The following BAIAP2L1 variants were observed in gnomAD, a reference collection of about 807,000 sequenced individuals.
BAIAP2L1 encodes BAR/IMD domain containing adaptor protein 2 like 1, also known as BAR/IMD domain-containing adapter protein 2-like 1.
In BAIAP2L1, 35 loss-of-function variants were observed where a neutral mutation model predicts 66.3. That is an observed-to-expected ratio of 0.53 (90% CI 0.40 to 0.70). BAIAP2L1 has a LOEUF of 0.70. Among genes scored for constraint, BAIAP2L1 ranks in the 30% least tolerant of loss-of-function variants. BAIAP2L1 has a pLI of 0.00. For synonymous variants in BAIAP2L1, 269 were observed against 248.7 expected (o/e 1.08, Z -0.77); for missense variants, 622 against 656.9 (o/e 0.95, Z 0.58).
intron 1 of BAIAP2L1, among the ~76,000 whole-genome samples, chr7:98,391,577 T>C (rs1803044636): frequency 6.6e-6 from 1 of 151,806 alleles, no homozygotes; most frequent in Non-Finnish European, 1.5e-5. Context: ...CCGGGCATGG[T>C]GGCGGGCACC....
intron 10 of BAIAP2L1, chr7:98,307,442 AACT>A (rs1362658675): frequency 9.5e-6 from 13 of 1,364,984 alleles, no homozygotes; most frequent in Admixed American, 6.2e-5. Context: ...AGAATGTTTA[AACT>A]ACTTTCAGAC....
chr7:98,372,362 C>T (rs1302526499), intron 1 of BAIAP2L1, among the ~76,000 whole-genome samples: 1 of 151,910 alleles, frequency 6.6e-6, no homozygotes, highest in East Asian at 2.0e-4. Flanking sequence ...GCTGAGATGG[C>T]GTCACTGCTC....
chr7:98,328,408 C>T (rs921857525), intron 3 of BAIAP2L1, among the ~76,000 whole-genome samples: 1 of 152,156 alleles, frequency 6.6e-6, no homozygotes, highest in Non-Finnish European at 1.5e-5. Context: ...CGGGAAGTTC[C>T]CTAACCTCTT....
intron 11 of BAIAP2L1, among the ~76,000 whole-genome samples, chr7:98,306,137 G>A (rs1369141555): frequency 6.6e-6 from 1 of 152,176 alleles, no homozygotes; most frequent in Non-Finnish European, 1.5e-5. Context: ...TGTAAGATAA[G>A]GACGGAAAAC....
intron 2 of BAIAP2L1, among the ~76,000 whole-genome samples, chr7:98,356,300 G>C (rs1339120448): frequency 1.3e-5 from 2 of 152,070 alleles, no homozygotes; most frequent in Non-Finnish European, 2.9e-5. Context: ...ACCCAGCCTG[G>C]TTAGTGTAAT....
At chr7:98,327,253 T>A (rs1319618593) in intron 3 of BAIAP2L1, among the ~76,000 whole-genome samples, 1 of 151,800 alleles carries the variant, frequency 6.6e-6, no homozygotes, top group African/African-American at 2.4e-5. Flanking sequence ...TCCAGCTACT[T>A]GGGAGGCTGA....
Position 98,389,825 on chromosome 7 carries a change from G to A in BAIAP2L1, c.51+10977C>T, listed in dbSNP as rs1287745832. Among the ~76,000 whole-genome samples, 3 of 151,782 alleles carry A rather than the reference G, an allele frequency of 2.0e-5. No homozygotes were observed. In the East Asian group the frequency reaches 5.8e-4, roughly 29 times the overall value. Reference sequence around the variant, plus strand: ...AAATGACCCCTGAAAGTAAAGTCTTGACTTTTAAAAGGCAGTTTTAAGAAC... The same window carrying A: ...AAATGACCCCTGAAAGTAAAGTCTTAACTTTTAAAAGGCAGTTTTAAGAAC... On this transcript the variant is annotated intron_variant, in intron 1 of 13. Transcript: ENST00000005260.
intron 5 of BAIAP2L1, among the ~76,000 whole-genome samples, chr7:98,318,505 C>T (rs1344449999): frequency 6.6e-6 from 1 of 151,946 alleles, no homozygotes; most frequent in African/African-American, 2.4e-5. Context: ...TGGTCTCGAA[C>T]TCCTGACCTT....
At chr7:98,326,104 C>T (rs1043433739) in intron 3 of BAIAP2L1, among the ~76,000 whole-genome samples, 8 of 152,122 alleles carry the variant, frequency 5.3e-5, no homozygotes, top group African/African-American at 1.9e-4. Context: ...CAGTGAAACC[C>T]CATCTCTCCA....
chr7:98,367,628 G>T (rs1036899702), intron 1 of BAIAP2L1, among the ~76,000 whole-genome samples: 2 of 147,510 alleles, frequency 1.4e-5, no homozygotes, highest in African/African-American at 5.0e-5. Flanking sequence ...CTCTGCCTCT[G>T]GGGTTCACGT....
At chr7:98,396,194 T>C (rs942464684) in intron 1 of BAIAP2L1, among the ~76,000 whole-genome samples, 1 of 152,024 alleles carries the variant, frequency 6.6e-6, no homozygotes, top group Non-Finnish European at 1.5e-5. Context: ...CTCAGCCTAC[T>C]GAGGAGCTGG....
rs185437200 is a variant in BAIAP2L1 at position 98,307,850 on chromosome 7, C to T, written c.1002G>A (p.Thr334=). 140 of 1,614,224 alleles carry T rather than the reference C, an allele frequency of 8.7e-5. 1 individual carries two copies. The East Asian group carries it at 2.5e-3, about 29-fold the overall frequency. Residue 334 remains threonine (T), a synonymous_variant, in exon 10 of 14, where the codon ACG becomes ACA. Transcript: ENST00000005260. The stretch of plus-strand genomic sequence containing the variant: ...TCTGCTTCTTCATCATGTTCAGTCC[C>T]GTTGCAACCGAAACTGATCGCTGTA... The part of the protein sequence containing the change: ...PSLQRSVSVA[T]GLNMMKKQKV...
intron 3 of BAIAP2L1, among the ~76,000 whole-genome samples, chr7:98,331,894 G>A (rs1029461566): frequency 6.6e-6 from 1 of 152,142 alleles, no homozygotes; most frequent in Admixed American, 6.5e-5. Context: ...ATACTTAAGT[G>A]TTGGAAGAAA....
intron 2 of BAIAP2L1, among the ~76,000 whole-genome samples, chr7:98,357,814 G>A (rs1020204206): frequency 1.3e-5 from 2 of 152,160 alleles, no homozygotes; most frequent in Admixed American, 6.6e-5. Context: ...TAAGGGCAGC[G>A]GAGTGGAGAT....
chr7:98,332,535 C>A (rs967380192), intron 3 of BAIAP2L1, among the ~76,000 whole-genome samples: 3 of 151,364 alleles, frequency 2.0e-5, no homozygotes, highest in Admixed American at 6.6e-5. Flanking sequence ...ACAGGCCTGG[C>A]GCAGTGGCTC....
intron 3 of BAIAP2L1, among the ~76,000 whole-genome samples, chr7:98,335,306 T>C (rs915008328): frequency 4.9e-5 from 6 of 123,392 alleles, no homozygotes; most frequent in African/African-American, 1.6e-4. Context: ...CATGGGGATA[T>C]TACATATCAT....
chr7:98,328,081 A>G lies in BAIAP2L1; in HGVS notation c.215-7783T>C, dbSNP rs181890112. ...GCACAAATACACCTTCATTTTATAT[A>G]TAAGTCTAGAATGGATTGCTCAAAA... On this transcript the variant is annotated intron_variant, in intron 3 of 13. Transcript: ENST00000005260. 7.2e-4 allele frequency among the ~76,000 whole-genome samples: 110 copies of G among 152,166 alleles called. 1 individual carries two copies. The highest frequency in any genetic ancestry group is 2.6e-3 in the African/African-American group (106 of 41,514).
intron 1 of BAIAP2L1, among the ~76,000 whole-genome samples, chr7:98,374,822 AT>A (rs1293092886): frequency 4.6e-5 from 7 of 152,340 alleles, no homozygotes; most frequent in Admixed American, 3.9e-4. Context: ...ATCGTGGCTA[AT>A]GCCTGTAATT....
chr7:98,319,107 G>A (rs1253746594), intron 5 of BAIAP2L1, among the ~76,000 whole-genome samples: 2 of 152,170 alleles, frequency 1.3e-5, no homozygotes, highest in African/African-American at 4.8e-5. Flanking sequence ...GTCCTCACGA[G>A]GACGACAGGG....
Sources: gnomAD v4.1 joint callset for allele counts (sites outside exome capture counted in the v4.1 genomes callset) on GRCh38, gnomAD v4.1.1 for gene constraint, MANE v1.5 for transcripts, NCBI Gene and HGNC (gene_info 2026-07-23, HGNC 2026-07-21) for gene names.